Variants in ANO3 observed in about 807,000 individuals in gnomAD.
The protein encoded by ANO3 is anoctamin 3, also known as anoctamin-3.
Under a neutral mutation model 144.8 loss-of-function variants are expected in ANO3, and 99 were observed. The ratio of observed to expected loss-of-function variants is 0.68; its 90% confidence interval spans 0.58 to 0.81. The LOEUF (loss-of-function observed/expected upper bound fraction) is 0.81. ANO3 is among the 30% of genes least tolerant of loss of function. The pLI is 0.00. For synonymous variants in ANO3, 414 were observed against 392.6 expected (o/e 1.05, Z -0.64); for missense variants, 905 against 1,202.2 (o/e 0.75, Z 3.66).
At chr11:26,351,295 G>A (rs1338417013) in intron 1 of ANO3, among the ~76,000 whole-genome samples, 2 of 151,982 alleles carry the variant, frequency 1.3e-5, no homozygotes, top group South Asian at 2.1e-4. Flanking sequence ...CCTAAATCAC[G>A]TTTTTAACTT....
intron 12 of ANO3, among the ~76,000 whole-genome samples, chr11:26,551,203 T>C (rs1205537874): frequency 6.6e-6 from 1 of 151,990 alleles, no homozygotes; most frequent in African/African-American, 2.4e-5. Flanking sequence ...CACCTCCATA[T>C]AGAAAATTTA....
At chr11:26,440,481 C>T (rs138074731) in intron 1 of ANO3, among the ~76,000 whole-genome samples, 1 of 151,326 alleles carries the variant, frequency 6.6e-6, no homozygotes, top group African/African-American at 2.4e-5. Flanking sequence ...AACTGGTAAA[C>T]GAAAATGACA....
At chr11:26,210,131 A>T (rs559107014) in intron 1 of ANO3, among the ~76,000 whole-genome samples, 1 of 152,284 alleles carries the variant, frequency 6.6e-6, no homozygotes, top group African/African-American at 2.4e-5. Context: ...CTTATGTTTA[A>T]GCCTTTCATC....
At chr11:26,564,722 C>CAT (rs1850464610) in intron 14 of ANO3, among the ~76,000 whole-genome samples, 1 of 66,996 alleles carries the variant, frequency 1.5e-5, no homozygotes, top group Non-Finnish European at 2.9e-5. Flanking sequence ...CACACACACA[C>CAT]ACACACACAC....
intron 1 of ANO3, among the ~76,000 whole-genome samples, chr11:26,341,327 TG>T (rs1314903143): frequency 6.6e-6 from 1 of 152,120 alleles, no homozygotes. Context: ...GTAAAGTCAT[TG>T]TAGGAAAGGC....
At chr11:26,488,096 G>T (rs1334485856) in intron 4 of ANO3, among the ~76,000 whole-genome samples, 1 of 152,110 alleles carries the variant, frequency 6.6e-6, no homozygotes, top group Admixed American at 6.5e-5. Flanking sequence ...AACCCAGGAG[G>T]TGGAGGTTGC....
rs1465216411 is a variant in ANO3 at position 26,598,592 on chromosome 11, T to C, written c.1530+145T>C. ...CCTACTAAAAAGATTTATTATTTTA[T>C]GAAGATAATAGAGATCAATGAAGTA... On this transcript the variant is annotated intron_variant, in intron 15 of 26. Transcript: ENST00000256737. 2.5e-5 allele frequency: 16 copies of C among 630,164 alleles called. No homozygotes were observed. In the East Asian group the frequency reaches 4.8e-4, roughly 19 times the overall value. The allele number at this position is 630,164 out of a possible 1,614,324, so 39.0% of individuals were successfully genotyped here. A position where few individuals can be genotyped will look rare whatever the true frequency, so the allele number is the denominator to read the frequency against.
intron 1 of ANO3, among the ~76,000 whole-genome samples, chr11:26,225,458 T>C (rs115460915): frequency 3.7e-4 from 56 of 152,264 alleles, no homozygotes; most frequent in African/African-American, 1.3e-3. Context: ...CCTGACACCC[T>C]CTTTCATGCA....
At chr11:26,624,649 G>C in intron 18 of ANO3, 151 bp downstream of exon 18, 1 of 587,758 alleles carries the variant, frequency 1.7e-6, no homozygotes, top group South Asian at 2.6e-5. Context: ...TAGGAAGTTG[G>C]TCTATATTGA....
rs140770548 is a variant in ANO3, at chr11:26,292,124, C to G, written c.155-17521C>G. On this transcript the variant is annotated intron_variant, in intron 1 of 27. Coordinates refer to the ANO3 transcript ENST00000672621. The stretch of plus-strand genomic sequence containing the variant: ...TGTTCATTTCTTTTTATTCTTTTTT[C>G]TCTAAACTTCTCTTCTCACTTCATT... Among the ~76,000 whole-genome samples the G allele has an allele frequency of 9.9e-3, 1,509 of 152,074 alleles. 21 individuals carry two copies. The highest frequency in any genetic ancestry group is 0.035 in the African/African-American group (1,448 of 41,486).
intron 17 of ANO3, among the ~76,000 whole-genome samples, chr11:26,608,236 C>CA (rs1851990226): frequency 6.6e-6 from 1 of 151,974 alleles, no homozygotes; most frequent in Admixed American, 6.6e-5. Context: ...CCCTTCAGGC[C>CA]CTATTCATTT....
intron 1 of ANO3, among the ~76,000 whole-genome samples, chr11:26,205,752 G>A (rs1590192422): frequency 1.3e-5 from 2 of 152,260 alleles, no homozygotes; most frequent in South Asian, 4.1e-4. Context: ...AAGTAAAATG[G>A]CAGTTGAATG....
chr11:26,216,405 C>T (rs1852036752), intron 1 of ANO3, among the ~76,000 whole-genome samples: 1 of 151,966 alleles, frequency 6.6e-6, no homozygotes, highest in Admixed American at 6.6e-5. Flanking sequence ...AATTTGGAAT[C>T]ATACTATGCA....
chr11:26,277,069 T>C (rs1316649573), intron 1 of ANO3, among the ~76,000 whole-genome samples: 1 of 152,160 alleles, frequency 6.6e-6, no homozygotes, highest in Non-Finnish European at 1.5e-5. Flanking sequence ...TCTACCTTCA[T>C]TTACTTGGGG....
chr11:26,218,240 T>C (rs189897740), intron 1 of ANO3, among the ~76,000 whole-genome samples: 1 of 152,224 alleles, frequency 6.6e-6, no homozygotes, highest in East Asian at 1.9e-4. Context: ...TTCTGAGTTC[T>C]GACCCTGGAA....
At chr11:26,482,426 A>ATGTGTGTGTGTGTGTGTG (rs58664691) in intron 4 of ANO3, among the ~76,000 whole-genome samples, 1 of 141,046 alleles carries the variant, frequency 7.1e-6, no homozygotes, top group Non-Finnish European at 1.5e-5. Flanking sequence ...ACACAGATAT[A>ATGTGTGTGTGTGTGTGTG]TGTGTGTGTG....
chr11:26,407,806 C>T (rs1857328168), intron 1 of ANO3, among the ~76,000 whole-genome samples: 1 of 151,774 alleles, frequency 6.6e-6, no homozygotes, highest in Admixed American at 6.6e-5. Context: ...CTCCATAGCC[C>T]CATCTTTGTC....
At chr11:26,314,571 G>T (rs1404253479) in intron 1 of ANO3, among the ~76,000 whole-genome samples, 2 of 152,184 alleles carry the variant, frequency 1.3e-5, no homozygotes, top group African/African-American at 4.8e-5. Context: ...AGAAAGGCAA[G>T]TCAGCCAACC....
intron 3 of ANO3, among the ~76,000 whole-genome samples, chr11:26,452,725 G>T (rs1342241563): frequency 1.3e-5 from 2 of 152,072 alleles, no homozygotes; most frequent in Non-Finnish European, 2.9e-5. Flanking sequence ...AGGAAATACA[G>T]AGAACACCAC....
Sources: allele counts gnomAD v4.1 joint callset (sites outside exome capture counted in the v4.1 genomes callset), GRCh38; gene constraint gnomAD v4.1.1; transcripts MANE v1.5; gene names NCBI Gene and HGNC (gene_info 2026-07-23, HGNC 2026-07-21).